LMF1: variants seen among roughly 807,000 people sequenced by gnomAD.
LMF1 encodes the protein transmembrane protein 112.
In LMF1, 68 loss-of-function variants were observed where a neutral mutation model predicts 60.6. The ratio of observed to expected loss-of-function variants is 1.12; its 90% confidence interval spans 0.92 to 1.37. The LOEUF (loss-of-function observed/expected upper bound fraction) is 1.37. Among genes scored for constraint, LMF1 ranks in the 40% most tolerant of loss-of-function variants. The pLI is 0.00. For synonymous variants in LMF1, 418 were observed against 324.7 expected (o/e 1.29, Z -3.09); for missense variants, 948 against 767.2 (o/e 1.24, Z -2.78).
rs572291329 is a variant in LMF1, at chr16:955,229, T to G, written c.194-563A>C. On this transcript the variant is annotated intron_variant, in intron 1 of 10. Coordinates refer to ENST00000262301, the MANE Select transcript of LMF1 (RefSeq NM_022773.4). ...AGACAAGTTACATAAAAGGCGTGCC[T>G]GCAGCAGACGTGGTGTGTGCATACA... Among the ~76,000 whole-genome samples the G allele has an allele frequency of 1.9e-5, 2 of 107,346 alleles. 1 individual carries two copies. Among genetic ancestry groups the G allele is most frequent in the African/African-American group, 1.0e-4 (2 of 19,980 alleles). The allele number at this position is 107,346 out of a possible 152,430, so 70.4% of individuals were successfully genotyped here.
At position 897,904 on chromosome 16, in the gene LMF1, C is replaced by G. The variant is rs1011899824; in HGVS notation, c.664-4832G>C. ...TGGCATGGGAGGTGGGCTCCGCCCC[C>G]GAGTGCTTCAGCTCACGCAGACTTC... On this transcript the variant is annotated intron_variant, in intron 4 of 10. Transcript: ENST00000262301. The surrounding 1 kb of genome is among the most constrained non-coding windows in gnomAD (Gnocchi z 4.3). 6.6e-6 allele frequency among the ~76,000 whole-genome samples: 1 copy of G among 152,240 alleles called. No individual in the cohort carries two copies. The highest frequency in any genetic ancestry group is 2.4e-5 in the African/African-American group (1 of 41,466).
In LMF1 at chr16:969,400, C is replaced by T. The variant is rs576501859; in HGVS notation, c.193+1388G>A. ...ACCCAGTTGAAGCCGATACTGCAATCCCACAGGAAACCTTGTAGTGATGAG... is the reference window on the plus strand; with the variant it reads ...ACCCAGTTGAAGCCGATACTGCAATTCCACAGGAAACCTTGTAGTGATGAG... On this transcript the variant is annotated intron_variant, in intron 1 of 10. Transcript: ENST00000262301. 2.0e-5 allele frequency among the ~76,000 whole-genome samples: 3 copies of T among 152,316 alleles called. No individual in the cohort carries two copies. In the South Asian group the frequency reaches 6.2e-4, roughly 32 times the overall value.
intron 7 of LMF1, 123 bp downstream of exon 7, chr16:871,038 A>G (rs1012146254): frequency 7.2e-7 from 1 of 1,395,494 alleles, no homozygotes; most frequent in Non-Finnish European, 9.5e-7. Context: ...GGCACGCTAC[A>G]CTGCGGACGG....
In LMF1 at chr16:895,055, C is replaced by T. The variant is rs184229874; in HGVS notation, c.664-1983G>A. 7.1e-4 allele frequency among the ~76,000 whole-genome samples: 108 copies of T among 152,262 alleles called. 1 individual carries two copies. The East Asian group carries it at 0.018, about 25-fold the overall frequency. ...GGGTACAGCAGGGCTGAGGAGGCCG[C>T]GGGGGGAGGCCCAGGAGCCCCTGGA... On this transcript the variant is annotated intron_variant, in intron 4 of 10. Coordinates refer to ENST00000262301, the MANE Select transcript of LMF1 (RefSeq NM_022773.4).
chr16:861,434 T>G (rs1247773174), intron 10 of LMF1, among the ~76,000 whole-genome samples: 2 of 149,700 alleles, frequency 1.3e-5, no homozygotes, highest in Non-Finnish European at 3.0e-5. Context: ...CTCAGCTCAC[T>G]GTAACCTCTG....
chr16:978,847 C>T lies in LMF1; in HGVS notation c.-135+2298G>A, dbSNP rs562821182. 2.6e-5 allele frequency among the ~76,000 whole-genome samples: 4 copies of T among 152,284 alleles called. No individual in the cohort carries two copies. The East Asian group carries it at 5.8e-4, about 22-fold the overall frequency. ...GCTCTGATGGCTGCCCCTCCACTCT[C>T]CACCCCCGGGTCCATCTCTTGTCAT... On this transcript the variant is annotated intron_variant, in intron 1 of 6. Coordinates refer to the LMF1 transcript ENST00000570014.
chr16:905,952 CTT>C (rs2151749129), intron 4 of LMF1, among the ~76,000 whole-genome samples: 1 of 152,262 alleles, frequency 6.6e-6, no homozygotes, highest in African/African-American at 2.4e-5. Context: ...TCCTAAGAGA[CTT>C]TTGCCTATCA....
intron 5 of LMF1, chr16:881,605 G>C (rs62013770): frequency 0.048 from 7,363 of 152,442 alleles, 218 homozygotes; most frequent in Non-Finnish European, 0.07. Context: ...GGGAGAATGA[G>C]TGTCGTCTGT....
At chr16:865,025 C>A (rs1183828843) in intron 10 of LMF1, among the ~76,000 whole-genome samples, 1 of 152,100 alleles carries the variant, frequency 6.6e-6, no homozygotes, top group Non-Finnish European at 1.5e-5. Flanking sequence ...TTTGTTTTTC[C>A]CAACCTGCTT....
At chr16:922,284 G>C (rs1192873659) in intron 3 of LMF1, among the ~76,000 whole-genome samples, 1 of 152,198 alleles carries the variant, frequency 6.6e-6, no homozygotes, top group Non-Finnish European at 1.5e-5. Flanking sequence ...GTGGGAGAAG[G>C]CAGCCACCTC....
chr16:964,906 G>C (rs1360209055), intron 1 of LMF1, among the ~76,000 whole-genome samples: 1 of 152,200 alleles, frequency 6.6e-6, no homozygotes, highest in Non-Finnish European at 1.5e-5. Flanking sequence ...ACTGCCCCAC[G>C]CGGAAAAGAA....
At chr16:856,012 G>A (rs1470819275) in intron 10 of LMF1, 9 of 455,102 alleles carry the variant, frequency 2.0e-5, no homozygotes, top group South Asian at 3.1e-5. Context: ...CAGGAAAACC[G>A]GGAAGACAGA....
At chr16:941,582 T>C (rs2072102034) in intron 2 of LMF1, among the ~76,000 whole-genome samples, 1 of 152,240 alleles carries the variant, frequency 6.6e-6, no homozygotes, top group Non-Finnish European at 1.5e-5. Flanking sequence ...AATGTAATCA[T>C]TGATATGGCT....
At chr16:932,005 C>A (rs888041925) in intron 3 of LMF1, among the ~76,000 whole-genome samples, 17 of 152,332 alleles carry the variant, frequency 1.1e-4, no homozygotes, top group Admixed American at 7.8e-4. Flanking sequence ...GCAAGCGCAG[C>A]CCCCGACGGC....
At chr16:972,553 C>T (rs2151500674), upstream of LMF1, among the ~76,000 whole-genome samples, 1 of 152,346 alleles carries the variant, frequency 6.6e-6, no homozygotes, top group South Asian at 2.1e-4. Context: ...GAGCCCCACA[C>T]CCTGGGACCA....
At chr16:899,782 C>T (rs911108880) in intron 4 of LMF1, 1 of 152,244 alleles carries the variant, frequency 6.6e-6, no homozygotes, top group African/African-American at 2.4e-5. Flanking sequence ...GCAGACAGTC[C>T]TGGGCCTGTG....
At chr16:978,087 A>C (rs2073216421) in intron 1 of LMF1, among the ~76,000 whole-genome samples, 1 of 92,004 alleles carries the variant, frequency 1.1e-5, no homozygotes, top group African/African-American at 7.2e-5. Context: ...ACACCACACC[A>C]AACACACACG....
intron 2 of LMF1, among the ~76,000 whole-genome samples, chr16:934,811 A>C (rs73483813): frequency 0.074 from 11,264 of 152,260 alleles, 461 homozygotes; most frequent in Non-Finnish European, 0.091. Context: ...GAGCCGCGGG[A>C]AAGCAACACC....
At chr16:943,500 C>T (rs945769116) in intron 2 of LMF1, among the ~76,000 whole-genome samples, 15 of 151,438 alleles carry the variant, frequency 9.9e-5, no homozygotes, top group South Asian at 2.1e-4. Context: ...CCGAGGCGGG[C>T]GGATCACCTG....
Sources: gnomAD v4.1 joint callset for allele counts (sites outside exome capture counted in the v4.1 genomes callset) on GRCh38, gnomAD v4.1.1 for gene constraint, Gnocchi (gnomAD v3.1) non-coding constraint, MANE v1.5 for transcripts, NCBI Gene and HGNC (gene_info 2026-07-23, HGNC 2026-07-21) for gene names.